LINGO2: variants seen among roughly 807,000 people sequenced by gnomAD.
The protein encoded by LINGO2 is leucine rich repeat and Ig domain containing 2, also known as leucine-rich repeat and immunoglobulin-like domain-containing nogo receptor-interacting protein 2.
Under a neutral mutation model 30.6 loss-of-function variants are expected in LINGO2, and 14 were observed. That is an observed-to-expected ratio of 0.46 (90% CI 0.30 to 0.72). LINGO2 has a LOEUF of 0.72. Ranked by LOEUF, LINGO2 falls within the 30% of genes least tolerant of loss-of-function variation. The pLI, the probability that LINGO2 is intolerant of heterozygous loss-of-function variation, is 0.07. For missense variants in LINGO2, 729 were observed against 751.7 expected, an observed-to-expected ratio of 0.97 and a Z score of 0.35; for synonymous variants, 317 against 288.5, an observed-to-expected ratio of 1.10 and a Z score of -1.00.
chr9:28,873,321 G>A, the LINGO2 span, among the ~76,000 whole-genome samples: 1 of 149,250 alleles, frequency 6.7e-6, no homozygotes, highest in East Asian at 2.0e-4. Flanking sequence ...AGTGAGCTGA[G>A]CTCATGCCAC....
rs375004875 is a variant in LINGO2 at position 28,021,415 on chromosome 9, G to A, written c.-86-9010C>T. Among the ~76,000 whole-genome samples the A allele has an allele frequency of 2.2e-4, 33 of 152,204 alleles. No homozygotes were observed. In the East Asian group the frequency reaches 5.6e-3, roughly 26 times the overall value. ...GAGGTGTCTTATGGCCCACAGTGTG[G>A]TCTATTTTGGTGAATGCTCCACGTG... On this transcript the variant is annotated intron_variant, in intron 4 of 5. Transcript: ENST00000379992.
intron 1 of LINGO2, among the ~76,000 whole-genome samples, chr9:28,622,190 T>G (rs1826429785): frequency 6.6e-6 from 1 of 151,942 alleles, no homozygotes; most frequent in Non-Finnish European, 1.5e-5. Flanking sequence ...AAATCTACAA[T>G]TAAACTATTA....
intron 1 of LINGO2, among the ~76,000 whole-genome samples, chr9:28,528,256 G>A (rs1353664744): frequency 6.6e-6 from 1 of 152,168 alleles, no homozygotes; most frequent in Non-Finnish European, 1.5e-5. Flanking sequence ...TTTAAAAATT[G>A]CCACATGATA....
chr9:28,808,462 T>C, the LINGO2 span, among the ~76,000 whole-genome samples: 4,415 of 152,294 alleles, frequency 0.029, 218 homozygotes, highest in African/African-American at 0.096. Context: ...ATTATCTGCA[T>C]GCATTCTCCT....
At chr9:29,168,011 G>A in the LINGO2 span, among the ~76,000 whole-genome samples, 1 of 152,002 alleles carries the variant, frequency 6.6e-6, no homozygotes, top group Non-Finnish European at 1.5e-5. Context: ...TCTATATATC[G>A]AAATCCACTA....
At chr9:28,995,546 T>C in the LINGO2 span, among the ~76,000 whole-genome samples, 4 of 152,104 alleles carry the variant, frequency 2.6e-5, no homozygotes, top group Non-Finnish European at 5.9e-5. Context: ...CTATAAATCA[T>C]GCTGCTGTAA....
chr9:28,306,883 A>T (rs1038604228), intron 3 of LINGO2, among the ~76,000 whole-genome samples: 1 of 152,214 alleles, frequency 6.6e-6, no homozygotes, highest in African/African-American at 2.4e-5. Flanking sequence ...AACCACGAAC[A>T]AGTTGAATCT....
At chr9:28,594,957 G>A (rs545947247) in intron 1 of LINGO2, among the ~76,000 whole-genome samples, 23 of 152,164 alleles carry the variant, frequency 1.5e-4, no homozygotes, top group Middle Eastern at 3.4e-3. Context: ...TCTTTAAAAC[G>A]TAAGATTTCA....
chr9:29,122,070 A>T, the LINGO2 span, among the ~76,000 whole-genome samples: 1 of 152,076 alleles, frequency 6.6e-6, no homozygotes, highest in African/African-American at 2.4e-5. Flanking sequence ...ACTGTTTTTT[A>T]AAAAATAAAA....
chr9:28,043,413 G>A (rs80262295), intron 4 of LINGO2, among the ~76,000 whole-genome samples: 1,838 of 152,278 alleles, frequency 0.012, 26 homozygotes, highest in African/African-American at 0.042. Flanking sequence ...CATCTGACAA[G>A]TGTAGTATGT....
At chr9:28,013,331 C>T (rs1424198576) in intron 4 of LINGO2, among the ~76,000 whole-genome samples, 2 of 152,046 alleles carry the variant, frequency 1.3e-5, no homozygotes, top group East Asian at 3.8e-4. Flanking sequence ...TCTTATGATC[C>T]AGACGATTGT....
chr9:28,106,563 T>A (rs920285951), intron 4 of LINGO2, among the ~76,000 whole-genome samples: 1 of 152,158 alleles, frequency 6.6e-6, no homozygotes, highest in Non-Finnish European at 1.5e-5. Flanking sequence ...GCCATATACA[T>A]ATCCTCAATT....
intron 4 of LINGO2, among the ~76,000 whole-genome samples, chr9:28,210,430 TA>T (rs1384083852): frequency 2.0e-5 from 3 of 151,512 alleles, no homozygotes; most frequent in East Asian, 3.9e-4. Flanking sequence ...GCTGTAAGAA[TA>T]AAAAAAATAA....
chr9:28,948,431 T>G, the LINGO2 span, among the ~76,000 whole-genome samples: 1 of 152,182 alleles, frequency 6.6e-6, no homozygotes, highest in Middle Eastern at 3.4e-3. Context: ...GCTAAAGCTT[T>G]TATAAATCTA....
intron 4 of LINGO2, among the ~76,000 whole-genome samples, chr9:28,263,022 G>T (rs1478923115): frequency 6.6e-6 from 1 of 151,956 alleles, no homozygotes. Context: ...AGCCTAGCTG[G>T]GTTCCCGTCT....
At chr9:28,949,876 C>T in the LINGO2 span, among the ~76,000 whole-genome samples, 1 of 152,082 alleles carries the variant, frequency 6.6e-6, no homozygotes, top group East Asian at 1.9e-4. Flanking sequence ...ATGCAAAAAT[C>T]CTCAATAAAA....
At chr9:29,181,906 G>C in the LINGO2 span, among the ~76,000 whole-genome samples, 5 of 152,228 alleles carry the variant, frequency 3.3e-5, no homozygotes, top group East Asian at 9.6e-4. Context: ...TCAGGTTAAA[G>C]AAAGAAAAAG....
At chr9:28,567,684 A>G (rs1823452540) in intron 1 of LINGO2, among the ~76,000 whole-genome samples, 1 of 152,020 alleles carries the variant, frequency 6.6e-6, no homozygotes, top group Non-Finnish European at 1.5e-5. Context: ...TTGAAAAACT[A>G]CCTTTTCGGT....
chr9:28,634,485 C>CTTTTTTTTTTTT (rs755583837), intron 1 of LINGO2, among the ~76,000 whole-genome samples: 1 of 124,672 alleles, frequency 8.0e-6, no homozygotes, highest in Non-Finnish European at 1.7e-5. Flanking sequence ...TTCTTTTTTT[C>CTTTTTTTTTTTT]TTTTTTTTTT....
Sources: gnomAD v4.1 joint callset for allele counts (sites outside exome capture counted in the v4.1 genomes callset) on GRCh38, gnomAD v4.1.1 for gene constraint, MANE v1.5 for transcripts, NCBI Gene and HGNC (gene_info 2026-07-23, HGNC 2026-07-21) for gene names.